The following RBM20 variants were observed in gnomAD, a reference collection of about 807,000 sequenced individuals.
RBM20 encodes RNA-binding protein 20.
RBM20 carries 51 observed loss-of-function variants against 110.1 expected under a neutral mutation model. That is an observed-to-expected ratio of 0.46 (90% CI 0.37 to 0.59). The LOEUF is 0.59. Ranked by LOEUF, RBM20 falls within the 20% of genes least tolerant of loss-of-function variation. The pLI is 0.00. For synonymous variants in RBM20, 589 were observed against 618.2 expected, an observed-to-expected ratio of 0.95 and a Z score of 0.70; for missense variants, 1,512 against 1,574.9, an observed-to-expected ratio of 0.96 and a Z score of 0.68.
intron 1 of RBM20, among the ~76,000 whole-genome samples, chr10:110,750,209 A>T (rs1204168652): frequency 6.6e-6 from 1 of 152,224 alleles, no homozygotes; most frequent in Non-Finnish European, 1.5e-5. Flanking sequence ...AAATATTTCC[A>T]TGTTTAAAAA....
intron 1 of RBM20, among the ~76,000 whole-genome samples, chr10:110,754,705 A>C (rs1233348367): frequency 6.6e-6 from 1 of 152,124 alleles, no homozygotes. Flanking sequence ...CTACTAAGTC[A>C]GTTTTTACAG....
chr10:110,795,855 G>A (rs1198993562), intron 5 of RBM20, among the ~76,000 whole-genome samples: 1 of 152,114 alleles, frequency 6.6e-6, no homozygotes, highest in African/African-American at 2.4e-5. Flanking sequence ...CTTTGATTAG[G>A]GCCAAATGTT....
intron 1 of RBM20, among the ~76,000 whole-genome samples, chr10:110,767,328 G>T (rs1165714278): frequency 7.1e-6 from 1 of 140,662 alleles, no homozygotes; most frequent in Non-Finnish European, 1.6e-5. Flanking sequence ...GGGGCGGCTA[G>T]CCGGGTGGGG....
At chr10:110,738,427 G>A (rs1843694026) in intron 1 of RBM20, among the ~76,000 whole-genome samples, 1 of 152,144 alleles carries the variant, frequency 6.6e-6, no homozygotes, top group African/African-American at 2.4e-5. Context: ...AGGTGGTTTG[G>A]CCCTTGTTCT....
chr10:110,672,094 AG>A (rs1862268568), intron 1 of RBM20, among the ~76,000 whole-genome samples: 1 of 152,040 alleles, frequency 6.6e-6, no homozygotes, highest in Admixed American at 6.5e-5. Context: ...CGGCTCTCGG[AG>A]GCTCCTGGTT....
intron 1 of RBM20, among the ~76,000 whole-genome samples, chr10:110,725,277 G>A (rs1001130819): frequency 5.3e-5 from 8 of 152,174 alleles, no homozygotes; most frequent in South Asian, 2.1e-4. Context: ...TGGAGCGTGC[G>A]CTTATATGAC....
At chr10:110,648,034 G>A (rs1269035916) in intron 1 of RBM20, among the ~76,000 whole-genome samples, 1 of 152,158 alleles carries the variant, frequency 6.6e-6, no homozygotes, top group Non-Finnish European at 1.5e-5. Context: ...AATATTCCTG[G>A]GTAATGCGTG....
At chr10:110,749,133 G>A (rs1413689964) in intron 1 of RBM20, among the ~76,000 whole-genome samples, 1 of 152,248 alleles carries the variant, frequency 6.6e-6, no homozygotes, top group Non-Finnish European at 1.5e-5. Flanking sequence ...TGTCACCGCT[G>A]TGATTCAGCA....
chr10:110,727,648 T>C (rs946721446), intron 1 of RBM20, among the ~76,000 whole-genome samples: 6 of 152,198 alleles, frequency 3.9e-5, no homozygotes, highest in Admixed American at 2.6e-4. Context: ...CTTTTTTTAA[T>C]TTTACTTTAG....
intron 12 of RBM20, among the ~76,000 whole-genome samples, chr10:110,828,029 C>T (rs890638784): frequency 1.3e-5 from 2 of 152,222 alleles, no homozygotes; most frequent in African/African-American, 4.8e-5. Context: ...CAGGCCAGTT[C>T]TGCATGACCC....
intron 1 of RBM20, among the ~76,000 whole-genome samples, chr10:110,730,743 T>C (rs1175443804): frequency 1.3e-5 from 2 of 152,208 alleles, no homozygotes; most frequent in East Asian, 3.8e-4. Context: ...GACAAGAAGC[T>C]CTGAGACCTC....
chr10:110,713,679 G>A (rs936653665), intron 1 of RBM20, among the ~76,000 whole-genome samples: 1 of 152,172 alleles, frequency 6.6e-6, no homozygotes, highest in African/African-American at 2.4e-5. Context: ...TTTTGAAAGA[G>A]ACTCACATTC....
intron 8 of RBM20, among the ~76,000 whole-genome samples, chr10:110,811,808 T>G (rs900894171): frequency 4.6e-5 from 7 of 152,156 alleles, no homozygotes; most frequent in African/African-American, 1.7e-4. Flanking sequence ...AGCCCAAATG[T>G]AGGAGTGGCT....
intron 1 of RBM20, among the ~76,000 whole-genome samples, chr10:110,695,557 A>T (rs1376174101): frequency 2.0e-5 from 3 of 151,942 alleles, no homozygotes; most frequent in African/African-American, 4.8e-5. Flanking sequence ...TCTACAACCA[A>T]CTCCTCTTCT....
At chr10:110,806,825 T>C (rs1278733960) in intron 7 of RBM20, among the ~76,000 whole-genome samples, 1 of 152,204 alleles carries the variant, frequency 6.6e-6, no homozygotes, top group African/African-American at 2.4e-5. Context: ...CTGGGGTGAT[T>C]ACAGCTTTGT....
chr10:110,812,562 A>T lies in RBM20; in HGVS notation c.2165A>T (p.Glu722Val). The change falls in exon 9 of 14, where the codon GAG (glutamate) becomes GTG (valine). Residue 722 changes from glutamate to valine, a missense_variant. By Grantham distance (121) the Glu-to-Val change is moderately radical. This residue lies in a region of RBM20 where 1,149 missense variants were observed against 1,169.4 expected (regional missense o/e 0.98). Transcript: ENST00000369519. ...CACCCCCGGCAACTGGACAAGGCTG[A>T]GTTGGACGAGCGACCAGAAGGAGGG... is the stretch of plus-strand genomic sequence containing the variant. Reference protein sequence around the residue: ...KHHPRQLDKAELDERPEGGRP... With the variant: ...KHHPRQLDKAVLDERPEGGRP... The T allele has an allele frequency of 6.4e-7, 1 of 1,551,758 alleles. No homozygotes were observed. Among genetic ancestry groups the T allele is most frequent in the Non-Finnish European group, 8.7e-7 (1 of 1,146,990 alleles).
At chr10:110,811,234 G>T (rs931149899) in intron 8 of RBM20, among the ~76,000 whole-genome samples, 1 of 152,210 alleles carries the variant, frequency 6.6e-6, no homozygotes, top group Non-Finnish European at 1.5e-5. Flanking sequence ...AAGGCAGCCT[G>T]GTCCTAGCAA....
At chr10:110,831,684 A>AC (rs1554844417) in intron 13 of RBM20, among the ~76,000 whole-genome samples, 55 of 150,906 alleles carry the variant, frequency 3.6e-4, no homozygotes, top group African/African-American at 1.3e-3. Flanking sequence ...AAAAAAAAAA[A>AC]AAAAAAACAC....
chr10:110,781,389 T>C lies in RBM20; in HGVS notation c.780T>C (p.Ser260=), dbSNP rs1844344034. 6.4e-7 allele frequency: 1 copy of C among 1,551,718 alleles called. No homozygotes were observed. The highest frequency in any genetic ancestry group is 8.7e-7 in the Non-Finnish European group (1 of 1,147,010). ...FLPSSASTSG[S]VTYEGHYSHT... ...CATCCTCGGCCTCAACCTCGGGCAG[T>C]GTGACCTATGAAGGGCACTACAGCC... The change falls in exon 2 of 14, where the codon AGT becomes AGC. Residue 260 remains serine, a synonymous_variant. Coordinates refer to ENST00000369519, the MANE Select transcript of RBM20 (RefSeq NM_001134363.3).
Sources: gnomAD v4.1 joint callset for allele counts (sites outside exome capture counted in the v4.1 genomes callset) on GRCh38, gnomAD v4.1.1 for gene constraint, gnomAD v4.1.1 regional missense constraint, MANE v1.5 for transcripts, NCBI Gene and HGNC (gene_info 2026-07-23, HGNC 2026-07-21) for gene names.